The following FCMR variants were observed in gnomAD, a reference collection of about 807,000 sequenced individuals.
FCMR encodes the protein Fc mu receptor, also known as immunoglobulin mu Fc receptor.
In FCMR, 34 loss-of-function variants were observed where a neutral mutation model predicts 41.6. The ratio of observed to expected loss-of-function variants is 0.82; its 90% confidence interval spans 0.62 to 1.09. The LOEUF is 1.09. Ranked by LOEUF, FCMR falls within the 50% of genes least tolerant of loss-of-function variation. FCMR has a pLI of 0.00. For missense variants in FCMR, 496 were observed against 512.5 expected (o/e 0.97, Z 0.31); for synonymous variants, 209 against 211.8 (o/e 0.99, Z 0.12).
chr1:206,912,001 C>T (rs1017674986), intron 3 of FCMR, 49 bp from the exon 4 acceptor site: 10 of 1,424,636 alleles, frequency 7.0e-6, no homozygotes, highest in Non-Finnish European at 9.8e-6. Context: ...ACACTCTATT[C>T]TCCAACAGGA....
At chr1:206,920,739 A>C (rs1317190798) in intron 1 of FCMR, among the ~76,000 whole-genome samples, 1 of 152,234 alleles carries the variant, frequency 6.6e-6, no homozygotes, top group Non-Finnish European at 1.5e-5. Context: ...CTGGCACTGC[A>C]GGCATCCTGA....
rs371358524 is a variant in FCMR at position 206,913,835 on chromosome 1, G to C, written c.297C>G (p.Ser99Arg). Residue 99 changes from serine (S) to arginine (R), a missense_variant, in exon 2 of 8, where the codon AGC becomes AGG. Ser to Arg is a moderately radical substitution (Grantham distance 110). Transcript: ENST00000367091. ...TGCCCGCTCCGCAGGCATAGACTCC[G>C]CTGTCACTTTCTGTCAGCTGTGTTA... ...VEVTQLTESD[S>R]GVYACGAGMN... 22 of 1,614,074 alleles carry C rather than the reference G, an allele frequency of 1.4e-5. No individual in the cohort carries two copies. Among genetic ancestry groups the C allele is most frequent in the Non-Finnish European group, 1.9e-5 (22 of 1,180,044 alleles).
intron 7 of FCMR, chr1:206,907,834 C>A: frequency 7.1e-7 from 1 of 1,410,084 alleles, no homozygotes; most frequent in Non-Finnish European, 1.0e-6. Flanking sequence ...GTCCCTACCA[C>A]TTCCCGGCCC....
chr1:206,908,713 A>G (rs952174471), intron 7 of FCMR, among the ~76,000 whole-genome samples: 18 of 151,348 alleles, frequency 1.2e-4, no homozygotes, highest in African/African-American at 3.9e-4. Flanking sequence ...GATCAAATAA[A>G]TTATTTTTAA....
chr1:206,907,950 C>G, intron 7 of FCMR: 4 of 1,393,724 alleles, frequency 2.9e-6, no homozygotes, highest in Non-Finnish European at 4.1e-6. Context: ...TCCTACTGCC[C>G]TACGACAAGA....
At chr1:206,906,755 C>T (rs1678665066) in intron 7 of FCMR, among the ~76,000 whole-genome samples, 1 of 151,702 alleles carries the variant, frequency 6.6e-6, no homozygotes, top group East Asian at 2.0e-4. Flanking sequence ...GGTGCAGGCC[C>T]AGGTGAGGGT....
chr1:206,914,012 AG>A lies in FCMR; in HGVS notation c.119del (p.Pro40LeufsTer5). 6.2e-7 allele frequency: 1 copy of A among 1,614,204 alleles called. No homozygotes were observed. The highest frequency in any genetic ancestry group is 8.5e-7 in the Non-Finnish European group (1 of 1,180,030). ...ACAGATATATCCTCACATGCATTTC[AG>A]GAAGTGGGCACTTGATGGTAACTGA... The part of the protein sequence containing the change: ...GGSVTIKCPL[P>X]EMHVRIYLCR... On this transcript the variant is annotated frameshift_variant, in exon 2 of 8. Coordinates refer to ENST00000367091, the MANE Select transcript of FCMR (RefSeq NM_005449.5). LOFTEE classifies it high-confidence loss of function.
At chr1:206,912,335 T>C (rs1190353617) in intron 3 of FCMR, among the ~76,000 whole-genome samples, 1 of 152,238 alleles carries the variant, frequency 6.6e-6, no homozygotes, top group African/African-American at 2.4e-5. Flanking sequence ...TCAATTACAC[T>C]ATCCCTCTTG....
intron 7 of FCMR, among the ~76,000 whole-genome samples, chr1:206,907,271 A>G (rs1678706041): frequency 6.6e-6 from 1 of 152,144 alleles, no homozygotes; most frequent in Non-Finnish European, 1.5e-5. Flanking sequence ...TCTAGGATGC[A>G]AGTGGAAATG....
Position 206,913,867 on chromosome 1 carries a change from C to G in FCMR, c.265G>C (p.Val89Leu). 6.2e-7 allele frequency: 1 copy of G among 1,614,248 alleles called. No individual in the cohort carries two copies. Among genetic ancestry groups the G allele is most frequent in the South Asian group, 1.1e-5 (1 of 91,086 alleles). Reference sequence around the variant, plus strand: ...CTTTCTGTCAGCTGTGTTACCTCCACTAGGAACAGATTCTTGCGTGGGTAT... The same window carrying G: ...CTTTCTGTCAGCTGTGTTACCTCCAGTAGGAACAGATTCTTGCGTGGGTAT... ...KQYPRKNLFLVEVTQLTESDS... is the reference protein window; with the variant it reads ...KQYPRKNLFLLEVTQLTESDS... Residue 89 changes from valine (V) to leucine (L), a missense_variant, in exon 2 of 8, where the codon GTG (valine) becomes CTG (leucine). Coordinates refer to ENST00000367091, the MANE Select transcript of FCMR (RefSeq NM_005449.5).
chr1:206,907,685 G>A, intron 7 of FCMR: 2 of 827,184 alleles, frequency 2.4e-6, no homozygotes, highest in Admixed American at 3.4e-5. Context: ...GGCGGCCATC[G>A]TGGCTAACTA....
At chr1:206,914,935 C>A (rs1239255938) in intron 1 of FCMR, among the ~76,000 whole-genome samples, 1 of 152,186 alleles carries the variant, frequency 6.6e-6, no homozygotes, top group East Asian at 1.9e-4. Flanking sequence ...ATATCACTCA[C>A]TCCAAAGAGA....
chr1:206,907,468 GC>G (rs1678716648), intron 7 of FCMR, among the ~76,000 whole-genome samples: 1 of 152,296 alleles, frequency 6.6e-6, no homozygotes, highest in African/African-American at 2.4e-5. Flanking sequence ...ACTGGCTCAG[GC>G]CACCTCTTCC....
At chr1:206,919,278 T>C (rs1679331942) in intron 1 of FCMR, among the ~76,000 whole-genome samples, 1 of 152,140 alleles carries the variant, frequency 6.6e-6, no homozygotes, top group African/African-American at 2.4e-5. Flanking sequence ...CAGAGTCATG[T>C]GGACAGGGAA....
At chr1:206,912,308 T>A (rs953935764) in intron 3 of FCMR, among the ~76,000 whole-genome samples, 1 of 152,226 alleles carries the variant, frequency 6.6e-6, no homozygotes, top group Non-Finnish European at 1.5e-5. Flanking sequence ...AGTCACAACC[T>A]TGGCTACATG....
intron 7 of FCMR, chr1:206,907,577 G>A (rs928183201): frequency 1.6e-6 from 1 of 623,820 alleles, no homozygotes; most frequent in South Asian, 1.5e-5. Flanking sequence ...GTCTACATGC[G>A]AATTAAACAA....
chr1:206,911,656 A>T, intron 4 of FCMR, 74 bp downstream of exon 4: 1 of 1,384,998 alleles, frequency 7.2e-7, no homozygotes. Flanking sequence ...GTGTCTAATA[A>T]TGGACATTGC....
Position 206,909,790 on chromosome 1 carries a change from C to T in FCMR, c.920G>A (p.Arg307Gln). 1 of 1,442,392 alleles carries T rather than the reference C, an allele frequency of 6.9e-7. No individual in the cohort carries two copies. The highest frequency in any genetic ancestry group is 9.0e-7 in the Non-Finnish European group (1 of 1,106,578). The allele number at this position is 1,442,392 out of a possible 1,614,324, so 89.3% of individuals were successfully genotyped here. Residue 307 changes from arginine (R) to glutamine (Q), a missense_variant, in exon 6 of 8, where the codon CGA (arginine) becomes CAA (glutamine). Transcript: ENST00000367091. The surrounding 1 kb of genome is among the most constrained non-coding windows in gnomAD (Gnocchi z 5.0). ...GTAGATGTTGTTTTGGGAGCGCGGT[C>T]GCGGCGACCCGCGGGGCCTCTGGGA... ...ESSQRPRGSP[R>Q]PRSQNNIYSA...
chr1:206,922,003 A>G (rs1286106620), upstream of FCMR: 3 of 687,638 alleles, frequency 4.4e-6, no homozygotes, highest in Non-Finnish European at 7.7e-6. Flanking sequence ...GGAAATGACA[A>G]CCTCCCTTGT....
Sources: gnomAD v4.1 joint callset for allele counts (sites outside exome capture counted in the v4.1 genomes callset) on GRCh38, gnomAD v4.1.1 for gene constraint, Gnocchi (gnomAD v3.1) non-coding constraint, MANE v1.5 for transcripts, NCBI Gene and HGNC (gene_info 2026-07-23, HGNC 2026-07-21) for gene names.